Variants in LIPN observed in about 807,000 individuals in gnomAD.
LIPN encodes the protein lipase family member N, also known as lipase member N.
LIPN carries 32 observed loss-of-function variants against 43.7 expected under a neutral mutation model. The observed-to-expected ratio is 0.73, with a 90% CI of 0.55 to 0.98. The LOEUF is 0.98. LIPN is among the 50% of genes least tolerant of loss of function. The probability of loss-of-function intolerance (pLI) is 0.00; values close to 1 mark genes in which losing one functional copy is unlikely to be tolerated. For missense variants in LIPN, 505 were observed against 483.8 expected (o/e 1.04, Z -0.41); for synonymous variants, 156 against 157.6 (o/e 0.99, Z 0.08).
In LIPN at chr10:88,774,606, A is replaced by AT. The variant is rs1564585288; in HGVS notation, c.891+62_891+63insT. The AT allele has an allele frequency of 2.1e-6, 3 of 1,400,408 alleles. No homozygotes were observed. In the East Asian group the frequency reaches 7.0e-5, roughly 33 times the overall value. The allele number at this position is 1,400,408 out of a possible 1,614,324, so 86.7% of individuals were successfully genotyped here. A position where few individuals can be genotyped will look rare whatever the true frequency, so the allele number is the denominator to read the frequency against. On this transcript the variant is annotated intron_variant, in intron 8 of 9. Transcript: ENST00000404459. Reference sequence around the variant, plus strand: ...ATTTTCAATATATTTAAAAAGACAGAATTGACCCTGTTAACAGGCCTACCC... The same window carrying AT: ...ATTTTCAATATATTTAAAAAGACAGATATTGACCCTGTTAACAGGCCTACCC...
At chr10:88,773,194 A>T (rs1241909352) in intron 7 of LIPN, among the ~76,000 whole-genome samples, 1 of 151,850 alleles carries the variant, frequency 6.6e-6, no homozygotes, top group Non-Finnish European at 1.5e-5. Context: ...TCTGCTATAC[A>T]TAGAAGATTA....
rs1359949734 is a variant in LIPN at position 88,762,224 on chromosome 10, G to C, written c.145G>C (p.Glu49Gln). The C allele has an allele frequency of 6.2e-7, 1 of 1,608,618 alleles. No individual in the cohort carries two copies. The highest frequency in any genetic ancestry group is 8.5e-7 in the Non-Finnish European group (1 of 1,177,092). ...CATCTACAATGGCTACCCCAGTGAA[G>C]AGTATGAAGTCACCACTGAAGATGG... ...IIIYNGYPSE[E>Q]YEVTTEDGYI... Residue 49 changes from glutamate (E) to glutamine (Q), a missense_variant, in exon 3 of 10, where the codon GAG becomes CAG. Glu to Gln is a conservative substitution (Grantham distance 29, BLOSUM62 2). Transcript: ENST00000404459.
rs146165607 is a variant in LIPN, at chr10:88,773,414, A to G, written c.820-1059A>G. ...AAATAAAATCCTAAAAAAGGAGAGA[A>G]GCACATATAAACCTGCGTCTTATTT... On this transcript the variant is annotated intron_variant, in intron 7 of 9. Transcript: ENST00000404459. 4.9e-4 allele frequency among the ~76,000 whole-genome samples: 75 copies of G among 152,042 alleles called. No individual in the cohort carries two copies. In the East Asian group the frequency reaches 0.011, roughly 23 times the overall value.
At chr10:88,776,733 C>T (rs1271396692) in intron 9 of LIPN, among the ~76,000 whole-genome samples, 5 of 152,078 alleles carry the variant, frequency 3.3e-5, no homozygotes, top group Non-Finnish European at 7.4e-5. Flanking sequence ...GAGTACATGA[C>T]AATTACTGGG....
intron 7 of LIPN, among the ~76,000 whole-genome samples, chr10:88,773,962 A>G (rs1008664134): frequency 6.6e-6 from 1 of 152,054 alleles, no homozygotes; most frequent in Non-Finnish European, 1.5e-5. Context: ...TTTTATCCCC[A>G]TAAAAGCCTA....
At chr10:88,777,167 T>C (rs1455525609) in intron 9 of LIPN, among the ~76,000 whole-genome samples, 1 of 152,140 alleles carries the variant, frequency 6.6e-6, no homozygotes, top group Non-Finnish European at 1.5e-5. Context: ...AAATGTGTTA[T>C]GTTCGTTACC....
chr10:88,775,421 C>A (rs1843282048), intron 9 of LIPN, among the ~76,000 whole-genome samples: 1 of 151,744 alleles, frequency 6.6e-6, no homozygotes, highest in Non-Finnish European at 1.5e-5. Context: ...TGTATTTATT[C>A]CAATTTTCTC....
intron 9 of LIPN, among the ~76,000 whole-genome samples, chr10:88,776,602 G>T (rs1349814065): frequency 3.9e-5 from 6 of 152,118 alleles, no homozygotes; most frequent in African/African-American, 1.4e-4. Flanking sequence ...CTCTCCTCAA[G>T]TTCACAGCAT....
At chr10:88,774,326 C>T in intron 7 of LIPN, 147 bp from the exon 8 acceptor site, 1 of 593,596 alleles carries the variant, frequency 1.7e-6, no homozygotes, top group East Asian at 2.8e-5. Flanking sequence ...AAGTATTGAC[C>T]TAAATGGTAT....
rs926278165 is a variant in LIPN, at chr10:88,775,138, C to T, written c.938C>T (p.Ala313Val). ...AGAGCTTATGACTGGGGAAATGACG[C>T]TGATAATATGAAACATTACAATCAG... The part of the protein sequence containing the change: ...EFRAYDWGND[A>V]DNMKHYNQSH... Residue 313 changes from alanine to valine, a missense_variant, in exon 9 of 10, where the codon GCT becomes GTT. By Grantham distance (64) the Ala-to-Val change is moderately conservative (BLOSUM62 0). Coordinates refer to ENST00000404459, the MANE Select transcript of LIPN (RefSeq NM_001102469.2). The T allele has an allele frequency of 1.3e-6, 2 of 1,545,896 alleles. No homozygotes were observed. The highest frequency in any genetic ancestry group is 3.9e-5 in the Admixed American group (2 of 50,846).
chr10:88,773,484 C>T (rs746340204), intron 7 of LIPN, among the ~76,000 whole-genome samples: 5 of 150,804 alleles, frequency 3.3e-5, no homozygotes, highest in Non-Finnish European at 7.4e-5. Flanking sequence ...TGAAGTAAAA[C>T]CTGCAAAATA....
rs1269600142 is a variant in LIPN at position 88,770,826 on chromosome 10, T to G, written c.673-19T>G. 2.1e-6 allele frequency: 3 copies of G among 1,395,714 alleles called. No individual in the cohort carries two copies. In the Admixed American group the frequency reaches 6.5e-5, roughly 30 times the overall value. The allele number at this position is 1,395,714 out of a possible 1,614,324, so 86.5% of individuals were successfully genotyped here. ...AATATTTTATCTCATTCAAAGATAA[T>G]TATTATTTACTTTCATAGGCTGTTT... On this transcript the variant is annotated intron_variant, in intron 6 of 9. Transcript: ENST00000404459.
chr10:88,777,075 T>C (rs1236371419), intron 9 of LIPN, among the ~76,000 whole-genome samples: 1 of 152,108 alleles, frequency 6.6e-6, no homozygotes, highest in East Asian at 1.9e-4. Context: ...GTTTAGGTCT[T>C]CATCTTTTTA....
intron 4 of LIPN, among the ~76,000 whole-genome samples, chr10:88,764,824 C>G (rs957915439): frequency 6.6e-6 from 1 of 151,904 alleles, no homozygotes; most frequent in East Asian, 1.9e-4. Flanking sequence ...TTTTTACATC[C>G]AATTCTGTGA....
chr10:88,762,806 C>A (rs1214822853), intron 3 of LIPN, among the ~76,000 whole-genome samples: 2 of 152,032 alleles, frequency 1.3e-5, no homozygotes, highest in Non-Finnish European at 2.9e-5. Context: ...AAAACCTTAA[C>A]ATCCACATAC....
chr10:88,764,673 G>A lies in LIPN; in HGVS notation c.425+65G>A, dbSNP rs540461734. The A allele has an allele frequency of 5.5e-5, 64 of 1,153,648 alleles. No individual in the cohort carries two copies. The East Asian group carries it at 1.1e-3, about 19-fold the overall frequency. The allele number at this position is 1,153,648 out of a possible 1,614,324, so 71.5% of individuals were successfully genotyped here. ...GCAATTTAAAAAAAATAACGTGGAC[G>A]CTATTAATGATTATCTTTGACGCTT... On this transcript the variant is annotated intron_variant, in intron 4 of 9. Coordinates refer to ENST00000404459, the MANE Select transcript of LIPN (RefSeq NM_001102469.2).
chr10:88,773,527 TC>T (rs1843245126), intron 7 of LIPN, among the ~76,000 whole-genome samples: 1 of 151,868 alleles, frequency 6.6e-6, no homozygotes, highest in Admixed American at 6.6e-5. Flanking sequence ...TGGGATCCCC[TC>T]TTTATGAAGA....
intron 6 of LIPN, 106 bp downstream of exon 6, chr10:88,769,034 C>A (rs1843160842): frequency 8.8e-7 from 1 of 1,137,484 alleles, no homozygotes; most frequent in Non-Finnish European, 1.3e-6. Context: ...TAGATAAAAT[C>A]TATAGAACTT....
intron 3 of LIPN, 67 bp from the exon 4 acceptor site, chr10:88,764,343 T>G: frequency 2.5e-6 from 3 of 1,222,988 alleles, no homozygotes; most frequent in Non-Finnish European, 3.5e-6. Flanking sequence ...TAACATAAAT[T>G]ACTCTCACTC....
Sources: gnomAD v4.1 joint callset for allele counts (sites outside exome capture counted in the v4.1 genomes callset) on GRCh38, gnomAD v4.1.1 for gene constraint, MANE v1.5 for transcripts, NCBI Gene and HGNC (gene_info 2026-07-23, HGNC 2026-07-21) for gene names.